Variants in GLI3 observed in about 807,000 individuals in gnomAD.
The protein encoded by GLI3 is GLI family zinc finger 3, also known as transcription activator GLI3.
A neutral mutation model predicts 100.8 loss-of-function variants in GLI3; 20 were observed. The observed-to-expected ratio is 0.20, with a 90% CI of 0.14 to 0.29. The LOEUF (loss-of-function observed/expected upper bound fraction) is 0.29. Ranked by LOEUF, GLI3 falls within the 10% of genes least tolerant of loss-of-function variation. The pLI, the probability that GLI3 is intolerant of heterozygous loss-of-function variation, is 1.00. For synonymous variants in GLI3, 938 were observed against 860.5 expected (o/e 1.09, Z -1.58); for missense variants, 2,040 against 2,128.5 (o/e 0.96, Z 0.82).
Position 42,172,456 on chromosome 7 carries a change from C to G in GLI3, c.125-23988G>C. The G allele has an allele frequency of 6.3e-6, 4 of 638,248 alleles. 1 individual carries two copies. In the South Asian group the frequency reaches 7.0e-5, roughly 11 times the overall value. 39.5% of individuals were successfully genotyped at this position (638,248 alleles called of 1,614,324 possible). ...AGATAGTAAGATGAAAAAGGATAAA[C>G]TTTTTTACACTAAAAAGTGTAAATG... On this transcript the variant is annotated intron_variant, in intron 2 of 14. Transcript: ENST00000395925.
rs537218397 is a variant in GLI3, at chr7:41,961,646, A to C, written c.*2684T>G. ...TTAGAAAAGGCAGGATGGTGACACT[A>C]GTGAGGCGGTCCTCTCGCTCTAAAA... On this transcript the variant is annotated 3_prime_UTR_variant, in exon 15 of 15. Coordinates refer to ENST00000395925, the MANE Select transcript of GLI3 (RefSeq NM_000168.6). 6.6e-6 allele frequency: 1 copy of C among 152,236 alleles called. No individual in the cohort carries two copies. Among genetic ancestry groups the C allele is most frequent in the Non-Finnish European group, 1.5e-5 (1 of 68,046 alleles). 9.4% of individuals were successfully genotyped at this position (152,236 alleles called of 1,614,324 possible).
intron 3 of GLI3, among the ~76,000 whole-genome samples, chr7:42,132,567 T>C (rs139477655): frequency 8.5e-4 from 130 of 152,124 alleles, no homozygotes; most frequent in Admixed American, 1.3e-3. Context: ...AGTCATCGCA[T>C]ATAGAAAAAA....
At chr7:42,057,352 A>G (rs1284149748) in intron 4 of GLI3, among the ~76,000 whole-genome samples, 1 of 152,250 alleles carries the variant, frequency 6.6e-6, no homozygotes, top group Admixed American at 6.5e-5. Context: ...ACAAGTGTTG[A>G]TGAGGATTTA....
upstream of GLI3, among the ~76,000 whole-genome samples, chr7:42,242,219 A>G (rs191221006): frequency 2.0e-5 from 3 of 152,322 alleles, no homozygotes; most frequent in Admixed American, 2.0e-4. Flanking sequence ...CTGCCAATGC[A>G]TGTTAATTTG....
chr7:42,259,546 C>T (rs1051747735), intron 1 of GLI3, among the ~76,000 whole-genome samples: 1 of 152,186 alleles, frequency 6.6e-6, no homozygotes, highest in Non-Finnish European at 1.5e-5. Flanking sequence ...CAGTGCCTGA[C>T]ACATAGTAAG....
chr7:42,247,961 A>G (rs74855640), intron 1 of GLI3, among the ~76,000 whole-genome samples: 3,918 of 152,326 alleles, frequency 0.026, 164 homozygotes, highest in African/African-American at 0.09. Flanking sequence ...CATTAGACAG[A>G]ATAGACAAGG....
At chr7:42,246,873 A>C (rs1562800258) in intron 1 of GLI3, among the ~76,000 whole-genome samples, 1 of 140,892 alleles carries the variant, frequency 7.1e-6, no homozygotes, top group Admixed American at 7.5e-5. Context: ...CTCTGAAAAA[A>C]GTCTGTGAAA....
intron 7 of GLI3, among the ~76,000 whole-genome samples, 157 bp downstream of exon 7, chr7:42,039,881 C>A (rs1354544663): frequency 6.6e-6 from 1 of 152,158 alleles, no homozygotes; most frequent in African/African-American, 2.4e-5. Context: ...TTTTGCAATT[C>A]ATTGTGATAT....
chr7:42,066,844 T>C (rs902915521), intron 4 of GLI3, among the ~76,000 whole-genome samples: 2 of 152,146 alleles, frequency 1.3e-5, no homozygotes, highest in South Asian at 4.1e-4. Context: ...TGAAATGACT[T>C]TGGTCATTAA....
At chr7:42,232,914 CAA>C (rs145448675) in intron 1 of GLI3, among the ~76,000 whole-genome samples, 1,567 of 152,018 alleles carry the variant, frequency 0.01, 16 homozygotes, top group Non-Finnish European at 0.014. Flanking sequence ...TTAAAAAAAC[CAA>C]AAGACACTCA....
At chr7:42,169,864 A>G (rs978451172) in intron 2 of GLI3, among the ~76,000 whole-genome samples, 2 of 152,110 alleles carry the variant, frequency 1.3e-5, no homozygotes, top group African/African-American at 2.4e-5. Flanking sequence ...TTATATTTCA[A>G]TTACTTCTTA....
At chr7:42,258,727 G>C (rs1326142348) in intron 1 of GLI3, among the ~76,000 whole-genome samples, 1 of 152,156 alleles carries the variant, frequency 6.6e-6, no homozygotes, top group African/African-American at 2.4e-5. Context: ...GAATGGGTGA[G>C]GGAGGACCCT....
At chr7:42,257,268 T>C (rs921880040) in intron 1 of GLI3, among the ~76,000 whole-genome samples, 1 of 152,116 alleles carries the variant, frequency 6.6e-6, no homozygotes, top group Admixed American at 6.6e-5. Context: ...TCTTTTTTTT[T>C]CTTCCCTATT....
At chr7:42,167,723 T>C (rs1218344173) in intron 2 of GLI3, among the ~76,000 whole-genome samples, 1 of 152,212 alleles carries the variant, frequency 6.6e-6, no homozygotes, top group Non-Finnish European at 1.5e-5. Flanking sequence ...TTGATGTTGG[T>C]AAGGACTGCA....
chr7:42,145,374 C>T (rs1786676892), intron 3 of GLI3: 1 of 394,808 alleles, frequency 2.5e-6, no homozygotes, highest in African/African-American at 2.1e-5. Flanking sequence ...ACACTTTCTG[C>T]TAAGAATTTA....
chr7:42,099,865 G>A (rs3823723), intron 3 of GLI3, among the ~76,000 whole-genome samples: 77,304 of 152,202 alleles, frequency 0.51, 21,344 homozygotes, highest in African/African-American at 0.74. Flanking sequence ...ACACACTTTC[G>A]AAACAGTCTG....
chr7:42,043,279 G>A (rs1419074675), intron 6 of GLI3, among the ~76,000 whole-genome samples: 1 of 152,142 alleles, frequency 6.6e-6, no homozygotes, highest in Non-Finnish European at 1.5e-5. Flanking sequence ...AATTACTTTA[G>A]AGGAAAAGAA....
Position 42,223,222 on chromosome 7 carries a change from G to A in GLI3, c.32C>T (p.Thr11Ile). 6.2e-7 allele frequency: 1 copy of A among 1,613,664 alleles called. No individual in the cohort carries two copies. Among genetic ancestry groups the A allele is most frequent in the African/African-American group, 1.3e-5 (1 of 74,976 alleles). The change falls in exon 2 of 15, where the codon ACT (threonine) becomes ATT (isoleucine). Residue 11 changes from threonine to isoleucine, a missense_variant. By Grantham distance (89) the Thr-to-Ile change is moderately conservative. Transcript: ENST00000395925. MEAQSHSSTT[T>I]EKKKVENSIV... The stretch of plus-strand genomic sequence containing the variant: ...GGAATTCTCAACTTTTTTCTTTTCA[G>A]TGGTCGTGGAGCTGTGGGACTGGGC...
At chr7:42,039,902 T>C (rs1373039152) in intron 7 of GLI3, 136 bp downstream of exon 7, 11 of 722,042 alleles carry the variant, frequency 1.5e-5, no homozygotes, top group Non-Finnish European at 2.7e-5. Context: ...TTGACCTGCC[T>C]CTTGGTATAG....
Sources: allele counts gnomAD v4.1 joint callset (sites outside exome capture counted in the v4.1 genomes callset), GRCh38; gene constraint gnomAD v4.1.1; transcripts MANE v1.5; gene names NCBI Gene and HGNC (gene_info 2026-07-23, HGNC 2026-07-21).